The following NXN variants were observed in gnomAD, a reference collection of about 807,000 sequenced individuals.
NXN encodes the protein nucleoredoxin, also known as nucleoredoxin 1.
Under a neutral mutation model 48.6 loss-of-function variants are expected in NXN, and 16 were observed. That is an observed-to-expected ratio of 0.33 (90% CI 0.22 to 0.50). NXN has a LOEUF of 0.50. Ranked by LOEUF, NXN falls within the 20% of genes least tolerant of loss-of-function variation. The pLI, the probability that NXN is intolerant of heterozygous loss-of-function variation, is 0.98. For synonymous variants in NXN, 281 were observed against 269.6 expected, an observed-to-expected ratio of 1.04 and a Z score of -0.41; for missense variants, 492 against 605.5, an observed-to-expected ratio of 0.81 and a Z score of 1.97.
intron 1 of NXN, among the ~76,000 whole-genome samples, chr17:929,396 A>G (rs1420703139): frequency 6.6e-6 from 1 of 152,214 alleles, no homozygotes; most frequent in Non-Finnish European, 1.5e-5. Context: ...CTCGGTCTTC[A>G]CTTACAGCTT....
chr17:951,165 T>C (rs1363949597), intron 1 of NXN, among the ~76,000 whole-genome samples: 3 of 105,272 alleles, frequency 2.8e-5, no homozygotes, highest in Non-Finnish European at 3.6e-5. Flanking sequence ...GGTGAAACCC[T>C]GTCTCTACTT....
chr17:802,659 C>T (rs1484390844), intron 7 of NXN, among the ~76,000 whole-genome samples: 12 of 152,138 alleles, frequency 7.9e-5, no homozygotes, highest in Admixed American at 7.9e-4. Flanking sequence ...GTGGCCAGTG[C>T]CACCCCGAGG....
At chr17:850,728 C>T (rs2067914969) in intron 1 of NXN, among the ~76,000 whole-genome samples, 1 of 152,226 alleles carries the variant, frequency 6.6e-6, no homozygotes, top group African/African-American at 2.4e-5. Flanking sequence ...CCTTAGAGCA[C>T]ACTCCCGAGG....
rs2069166727 is a variant in NXN, at chr17:956,170, C to G, written c.360+23149G>C. The stretch of plus-strand genomic sequence containing the variant: ...CACCTTTCTGCTTGGAATTCCAAAC[C>G]TCTTCCCACCGGAATCCCGCCAAGC... On this transcript the variant is annotated intron_variant, in intron 1 of 7. Transcript: ENST00000336868. The surrounding 1 kb of genome is among the most constrained non-coding windows in gnomAD (Gnocchi z 4.1). Among the ~76,000 whole-genome samples the G allele has an allele frequency of 1.3e-5, 2 of 152,128 alleles. No individual in the cohort carries two copies. The highest frequency in any genetic ancestry group is 2.4e-5 in the African/African-American group (1 of 41,442).
chr17:889,743 G>GAAAC (rs768728134), intron 1 of NXN, among the ~76,000 whole-genome samples: 17 of 100,112 alleles, frequency 1.7e-4, no homozygotes, highest in African/African-American at 7.0e-4. Context: ...AAGAAAGAAA[G>GAAAC]AAAGAAAGAA....
chr17:918,934 G>A (rs1199822351), intron 1 of NXN, among the ~76,000 whole-genome samples: 3 of 151,842 alleles, frequency 2.0e-5, no homozygotes, highest in Non-Finnish European at 2.9e-5. Flanking sequence ...GCAAGGTGGC[G>A]TGCGCCTGTA....
intron 5 of NXN, chr17:819,213 CTGGGGTTACAG>C (rs1287791242): frequency 5.6e-6 from 3 of 533,186 alleles, no homozygotes; most frequent in Non-Finnish European, 1.0e-5. Flanking sequence ...TCCCAAAGTG[CTGGGGTTACAG>C]TGTGAGCTGC....
At chr17:934,432 C>T (rs937889600) in intron 1 of NXN, among the ~76,000 whole-genome samples, 6 of 145,628 alleles carry the variant, frequency 4.1e-5, no homozygotes, top group South Asian at 2.2e-4. Flanking sequence ...GGCAACACAA[C>T]GAGACTCTGT....
At chr17:872,811 G>A (rs906631110) in intron 1 of NXN, among the ~76,000 whole-genome samples, 1 of 150,694 alleles carries the variant, frequency 6.6e-6, no homozygotes, top group Non-Finnish European at 1.5e-5. Flanking sequence ...AGTAGAGACG[G>A]GTTTTTGCCA....
At chr17:931,603 G>A (rs1021588270) in intron 1 of NXN, among the ~76,000 whole-genome samples, 8 of 151,432 alleles carry the variant, frequency 5.3e-5, no homozygotes, top group African/African-American at 1.7e-4. Flanking sequence ...TTGGGAGGCC[G>A]AGGTGGGCGG....
chr17:847,945 C>T (rs777518191), intron 1 of NXN, among the ~76,000 whole-genome samples: 21 of 152,172 alleles, frequency 1.4e-4, no homozygotes, highest in Non-Finnish European at 2.5e-4. Flanking sequence ...CAAAGTATCA[C>T]GTTCCCCACT....
chr17:967,202 G>C (rs1229990937), intron 1 of NXN, among the ~76,000 whole-genome samples: 1 of 152,146 alleles, frequency 6.6e-6, no homozygotes, highest in Non-Finnish European at 1.5e-5. Flanking sequence ...TGGCCCTTTG[G>C]TATTTACACA....
intron 1 of NXN, among the ~76,000 whole-genome samples, chr17:877,292 G>A (rs531113366): frequency 1.2e-3 from 188 of 151,672 alleles, no homozygotes; most frequent in Non-Finnish European, 2.0e-3. Flanking sequence ...GACTACTGGC[G>A]CCCGCCACCA....
intron 1 of NXN, among the ~76,000 whole-genome samples, chr17:870,683 A>G (rs574525568): frequency 6.6e-6 from 1 of 151,992 alleles, no homozygotes; most frequent in African/African-American, 2.4e-5. Flanking sequence ...TAAGCCTGGA[A>G]GGCGGAGGTG....
chr17:966,395 C>T (rs989657512), intron 1 of NXN, among the ~76,000 whole-genome samples: 1 of 151,978 alleles, frequency 6.6e-6, no homozygotes, highest in Middle Eastern at 3.4e-3. Context: ...TTACCCAGGC[C>T]GGAGCGCAGT....
chr17:906,572 GTTTTTTT>G (rs150140562), intron 1 of NXN, among the ~76,000 whole-genome samples: 1 of 145,876 alleles, frequency 6.9e-6, no homozygotes, highest in African/African-American at 2.5e-5. Flanking sequence ...TGGTTTCTGG[GTTTTTTT>G]TTTTTTTGAG....
chr17:954,274 A>C (rs55788057), intron 1 of NXN, among the ~76,000 whole-genome samples: 2 of 152,108 alleles, frequency 1.3e-5, no homozygotes, highest in Non-Finnish European at 2.9e-5. Context: ...CCAGCTACTC[A>C]AGAGGCTGAA....
chr17:838,919 C>T (rs546736532), intron 1 of NXN, among the ~76,000 whole-genome samples: 9 of 152,292 alleles, frequency 5.9e-5, no homozygotes, highest in East Asian at 5.8e-4. Context: ...TGCTGGAGGC[C>T]GTGTGGGATA....
Position 821,675 on chromosome 17 carries a change from C to A in NXN, c.713+682G>T, listed in dbSNP as rs574643873. On this transcript the variant is annotated intron_variant, in intron 4 of 7. Coordinates refer to ENST00000336868, the MANE Select transcript of NXN (RefSeq NM_022463.5). The stretch of plus-strand genomic sequence containing the variant: ...CTGAGGCAGGAGAATGGCGTGAACC[C>A]GGGAGGTGGAGCTTGCAGTGAGCCA... Among the ~76,000 whole-genome samples, 3 of 91,784 alleles carry A rather than the reference C, an allele frequency of 3.3e-5. 1 individual carries two copies. Among genetic ancestry groups the A allele is most frequent in the South Asian group, 3.4e-4 (1 of 2,984 alleles). The allele number at this position is 91,784 out of a possible 152,430, so 60.2% of individuals were successfully genotyped here. A position where few individuals can be genotyped will look rare whatever the true frequency, so the allele number is the denominator to read the frequency against.
Sources: allele counts gnomAD v4.1 joint callset (sites outside exome capture counted in the v4.1 genomes callset), GRCh38; gene constraint gnomAD v4.1.1; non-coding constraint Gnocchi (gnomAD v3.1); transcripts MANE v1.5; gene names NCBI Gene and HGNC (gene_info 2026-07-23, HGNC 2026-07-21).